The following THSD7B variants were observed in gnomAD, a reference collection of about 807,000 sequenced individuals.
THSD7B encodes thrombospondin type-1 domain-containing protein 7B.
In THSD7B, 138 loss-of-function variants were observed where a neutral mutation model predicts 213.6. The ratio of observed to expected loss-of-function variants is 0.65; its 90% CI spans 0.56 to 0.74. THSD7B has a LOEUF of 0.74. Ranked by LOEUF, THSD7B falls within the 30% of genes least tolerant of loss-of-function variation. THSD7B has a pLI of 0.00. For synonymous variants in THSD7B, 742 were observed against 687.0 expected, an observed-to-expected ratio of 1.08 and a Z score of -1.25; for missense variants, 1,931 against 1,991.5, an observed-to-expected ratio of 0.97 and a Z score of 0.58.
rs1683299800 is a variant in THSD7B, at chr2:137,659,403, A to G, written c.4376-261A>G. ...GCTCACATAGACTTTGTGCTCAAGC[A>G]TAGCCGTATGATAGAATCACATCGC... On this transcript the variant is annotated intron_variant, in intron 24 of 27. Coordinates refer to ENST00000409968, the MANE Select transcript of THSD7B (RefSeq NM_001316349.2). 2.0e-5 allele frequency among the ~76,000 whole-genome samples: 3 copies of G among 152,186 alleles called. No individual in the cohort carries two copies. The South Asian group carries it at 6.2e-4, about 32-fold the overall frequency.
chr2:137,404,470 T>C (rs199832983), intron 12 of THSD7B, among the ~76,000 whole-genome samples: 22,599 of 59,676 alleles, frequency 0.38, 4,161 homozygotes, highest in East Asian at 0.55. Flanking sequence ...TATATATATA[T>C]ATATACACAC....
intron 11 of THSD7B, among the ~76,000 whole-genome samples, chr2:137,273,396 T>C (rs1249565125): frequency 2.0e-5 from 3 of 152,134 alleles, no homozygotes; most frequent in Non-Finnish European, 4.4e-5. Flanking sequence ...CCTGACAGTT[T>C]TAAATCTGAT....
intron 16 of THSD7B, among the ~76,000 whole-genome samples, chr2:137,568,354 C>A (rs2105230132): frequency 6.6e-6 from 1 of 152,204 alleles, no homozygotes; most frequent in East Asian, 1.9e-4. Flanking sequence ...TGGATAACTG[C>A]ATTTCCATTC....
At chr2:137,231,514 A>G (rs939722615) in intron 8 of THSD7B, among the ~76,000 whole-genome samples, 1 of 152,170 alleles carries the variant, frequency 6.6e-6, no homozygotes, top group South Asian at 2.1e-4. Flanking sequence ...AACCCTTCTT[A>G]GACAAGAAAG....
chr2:137,467,210 C>T lies in THSD7B; in HGVS notation c.3138+16187C>T, dbSNP rs539157072. 1.3e-4 allele frequency among the ~76,000 whole-genome samples: 20 copies of T among 152,192 alleles called. No homozygotes were observed. The South Asian group carries it at 3.7e-3, about 28-fold the overall frequency. ...ATAGAAATCTATAATATTTGTCTGA[C>T]GAACTGGGATACATGTTCAGAACTG... On this transcript the variant is annotated intron_variant, in intron 15 of 27. Transcript: ENST00000409968.
intron 12 of THSD7B, among the ~76,000 whole-genome samples, chr2:137,342,714 TTTTG>T (rs1684788614): frequency 3.2e-4 from 1 of 3,124 alleles, no homozygotes; most frequent in Non-Finnish European, 3.4e-3. Flanking sequence ...GAAGATTTTG[TTTTG>T]TTTTGTTTTG....
chr2:137,209,723 A>G (rs1467562427), intron 7 of THSD7B, among the ~76,000 whole-genome samples: 1 of 151,706 alleles, frequency 6.6e-6, no homozygotes, highest in Non-Finnish European at 1.5e-5. Context: ...GTTACCACGT[A>G]TTATCTAAAT....
At chr2:137,148,455 G>A (rs1423511051) in intron 5 of THSD7B, among the ~76,000 whole-genome samples, 1 of 152,184 alleles carries the variant, frequency 6.6e-6, no homozygotes, top group Non-Finnish European at 1.5e-5. Context: ...GGTTAGAACA[G>A]TTTGGAGGGC....
At chr2:137,397,470 T>A (rs1461536974) in intron 12 of THSD7B, among the ~76,000 whole-genome samples, 1 of 151,962 alleles carries the variant, frequency 6.6e-6, no homozygotes, top group Non-Finnish European at 1.5e-5. Context: ...AATTCTTTTC[T>A]TTAAGAATGT....
At chr2:137,271,234 A>G (rs1414641058) in intron 10 of THSD7B, among the ~76,000 whole-genome samples, 1 of 150,674 alleles carries the variant, frequency 6.6e-6, no homozygotes, top group African/African-American at 2.4e-5. Context: ...CACCTTTCCC[A>G]TGTGCTCACA....
intron 5 of THSD7B, among the ~76,000 whole-genome samples, chr2:137,150,888 GGTAA>G (rs1326459195): frequency 6.6e-6 from 1 of 152,024 alleles, no homozygotes; most frequent in Non-Finnish European, 1.5e-5. Context: ...ATAACACAGT[GGTAA>G]GTATTTGTAT....
In THSD7B at chr2:137,139,125, A is replaced by C. The variant is rs373330716; in HGVS notation, c.1370-21088A>C. Among the ~76,000 whole-genome samples, 88 of 152,252 alleles carry C rather than the reference A, an allele frequency of 5.8e-4. 1 individual carries two copies. The highest frequency in any genetic ancestry group is 2.0e-3 in the African/African-American group (84 of 41,558). On this transcript the variant is annotated intron_variant, in intron 5 of 27. Coordinates refer to ENST00000409968, the MANE Select transcript of THSD7B (RefSeq NM_001316349.2). The stretch of plus-strand genomic sequence containing the variant: ...TTCTCTTTCCTTTCATTGTAAAGGA[A>C]TGGAAATAAATAAAGCTTGAAGTAA...
rs371542212 is a variant in THSD7B, at chr2:136,872,977, C to T, written c.-35-9167C>T. 7.0e-5 allele frequency among the ~76,000 whole-genome samples: 10 copies of T among 143,838 alleles called. No homozygotes were observed. In the East Asian group the frequency reaches 1.0e-3, roughly 15 times the overall value. The allele number at this position is 143,838 out of a possible 152,430, so 94.4% of individuals were successfully genotyped here. ...GAGATAGTTTGCAGTGAGCCGAGAT[C>T]GCGCCACTGCACTCCAGCCTGGGTG... On this transcript the variant is annotated intron_variant, in intron 1 of 27. Coordinates refer to ENST00000409968, the MANE Select transcript of THSD7B (RefSeq NM_001316349.2).
At chr2:137,360,421 C>A (rs1685226788) in intron 12 of THSD7B, among the ~76,000 whole-genome samples, 1 of 152,146 alleles carries the variant, frequency 6.6e-6, no homozygotes, top group Admixed American at 6.6e-5. Context: ...ACTTCTTCCC[C>A]TGGGAAGCAG....
At chr2:137,562,844 C>G (rs1681151177) in intron 15 of THSD7B, among the ~76,000 whole-genome samples, 1 of 152,010 alleles carries the variant, frequency 6.6e-6, no homozygotes, top group Non-Finnish European at 1.5e-5. Flanking sequence ...TTTCAATTGA[C>G]ATGTTAAAGT....
intron 15 of THSD7B, among the ~76,000 whole-genome samples, chr2:137,524,320 C>T (rs766669069): frequency 1.3e-5 from 2 of 152,054 alleles, no homozygotes; most frequent in Admixed American, 6.6e-5. Flanking sequence ...GCCTCCTCAC[C>T]GTCTCTGCCA....
At chr2:137,365,452 G>T (rs1182762074) in intron 12 of THSD7B, among the ~76,000 whole-genome samples, 1 of 152,122 alleles carries the variant, frequency 6.6e-6, no homozygotes. Context: ...GAGTGAACAG[G>T]CAACCTACAG....
chr2:137,306,710 C>T (rs1034409799), intron 12 of THSD7B, among the ~76,000 whole-genome samples: 21 of 151,886 alleles, frequency 1.4e-4, no homozygotes, highest in African/African-American at 4.1e-4. Context: ...TATATTTACC[C>T]TTTTATATCT....
intron 12 of THSD7B, among the ~76,000 whole-genome samples, chr2:137,393,053 T>C (rs959368862): frequency 6.6e-6 from 1 of 152,036 alleles, no homozygotes; most frequent in Admixed American, 6.5e-5. Flanking sequence ...GTTTCCTCAA[T>C]ATTTGCTTAT....
Sources: gnomAD v4.1 joint callset for allele counts (sites outside exome capture counted in the v4.1 genomes callset) on GRCh38, gnomAD v4.1.1 for gene constraint, MANE v1.5 for transcripts, NCBI Gene and HGNC (gene_info 2026-07-23, HGNC 2026-07-21) for gene names.